The following R3HCC1L variants were observed in gnomAD, a reference collection of about 807,000 sequenced individuals.
R3HCC1L encodes the protein R3H domain and coiled-coil containing 1 like.
A neutral mutation model predicts 59.9 loss-of-function variants in R3HCC1L; 51 were observed. That is an observed-to-expected ratio of 0.85 (90% confidence interval 0.68 to 1.07). The LOEUF is 1.07. Ranked by LOEUF, R3HCC1L falls within the 50% of genes least tolerant of loss-of-function variation. R3HCC1L has a pLI of 0.00. For synonymous variants in R3HCC1L, 322 were observed against 315.2 expected, an observed-to-expected ratio of 1.02 and a Z score of -0.23; for missense variants, 965 against 933.0, an observed-to-expected ratio of 1.03 and a Z score of -0.45.
rs1318065382 is a variant in R3HCC1L, at chr10:98,231,946, T to C, written c.1961+259T>C. Among the ~76,000 whole-genome samples the C allele has an allele frequency of 2.6e-5, 4 of 152,314 alleles. No homozygotes were observed. The East Asian group carries it at 5.8e-4, about 22-fold the overall frequency. ...TCATCAGTGATGACTTCATGGTGCATTTAGTCCATTAATACATATTGTAAT... is the reference window on the plus strand; with the variant it reads ...TCATCAGTGATGACTTCATGGTGCACTTAGTCCATTAATACATATTGTAAT... On this transcript the variant is annotated intron_variant, in intron 6 of 9. Coordinates refer to ENST00000298999, the MANE Select transcript of R3HCC1L (RefSeq NM_001351015.2).
chr10:98,169,884 C>CT (rs1195433216), intron 4 of R3HCC1L, among the ~76,000 whole-genome samples: 1,513 of 128,328 alleles, frequency 0.012, 21 homozygotes, highest in African/African-American at 0.021. Context: ...CTAACACAAC[C>CT]TTTTTTTTTT....
chr10:98,139,938 C>T (rs1844981340), intron 1 of R3HCC1L, among the ~76,000 whole-genome samples: 3 of 151,202 alleles, frequency 2.0e-5, no homozygotes, highest in Non-Finnish European at 4.4e-5. Flanking sequence ...ATTCTAGTAT[C>T]TAGTATCGTG....
At chr10:98,230,949 A>G (rs1345390528) in intron 5 of R3HCC1L, 6 of 326,558 alleles carry the variant, frequency 1.8e-5, no homozygotes, top group Non-Finnish European at 3.7e-5. Flanking sequence ...CATGCTAAGG[A>G]CATTAAGTAT....
At chr10:98,202,859 A>G (rs967237587) in intron 4 of R3HCC1L, among the ~76,000 whole-genome samples, 1 of 133,378 alleles carries the variant, frequency 7.5e-6, no homozygotes, top group Middle Eastern at 3.5e-3. Context: ...CCGTCACAGG[A>G]AAAAAAAAAA....
intron 4 of R3HCC1L, among the ~76,000 whole-genome samples, chr10:98,198,363 A>G (rs1851678147): frequency 1.3e-5 from 2 of 152,242 alleles, no homozygotes; most frequent in South Asian, 4.1e-4. Context: ...ATGGACATAT[A>G]CACTGCTGAA....
chr10:98,198,360 T>C (rs969202662), intron 4 of R3HCC1L, among the ~76,000 whole-genome samples: 1 of 152,100 alleles, frequency 6.6e-6, no homozygotes, highest in Non-Finnish European at 1.5e-5. Flanking sequence ...CAAATGGACA[T>C]ATACACTGCT....
chr10:98,203,231 G>A (rs947073618), intron 4 of R3HCC1L, among the ~76,000 whole-genome samples: 3 of 151,976 alleles, frequency 2.0e-5, no homozygotes, highest in African/African-American at 7.2e-5. Flanking sequence ...AAAATATTCA[G>A]GAAAAAAACT....
intron 4 of R3HCC1L, among the ~76,000 whole-genome samples, chr10:98,188,040 G>A (rs1353654743): frequency 6.6e-6 from 1 of 151,848 alleles, no homozygotes; most frequent in Non-Finnish European, 1.5e-5. Flanking sequence ...CATTATACTT[G>A]GCCAAAGGAA....
At chr10:98,167,423 T>C (rs1328125090) in intron 4 of R3HCC1L, among the ~76,000 whole-genome samples, 1 of 152,218 alleles carries the variant, frequency 6.6e-6, no homozygotes, top group Non-Finnish European at 1.5e-5. Context: ...AGGGAGGTGA[T>C]AGATACGGAG....
intron 4 of R3HCC1L, among the ~76,000 whole-genome samples, chr10:98,183,747 C>T (rs931834024): frequency 1.3e-5 from 2 of 152,066 alleles, no homozygotes; most frequent in Admixed American, 1.3e-4. Flanking sequence ...GCTTTCATCT[C>T]TGTTACTATA....
chr10:98,228,427 GT>G (rs1189766018), intron 5 of R3HCC1L, among the ~76,000 whole-genome samples: 2 of 152,082 alleles, frequency 1.3e-5, no homozygotes, highest in East Asian at 3.9e-4. Context: ...TGTTGATGGG[GT>G]TTTTGTTTTT....
At chr10:98,216,982 A>T (rs7078393) in intron 5 of R3HCC1L, among the ~76,000 whole-genome samples, 1 of 152,004 alleles carries the variant, frequency 6.6e-6, no homozygotes, top group Non-Finnish European at 1.5e-5. Context: ...AGTTTGCAAG[A>T]TAATATGTTC....
At chr10:98,149,798 G>C (rs1025037815) in intron 1 of R3HCC1L, among the ~76,000 whole-genome samples, 3 of 152,206 alleles carry the variant, frequency 2.0e-5, no homozygotes, top group Admixed American at 6.5e-5. Flanking sequence ...TGTGGCACTT[G>C]GGTGGGATGT....
chr10:98,228,776 A>G (rs948601491), intron 5 of R3HCC1L, among the ~76,000 whole-genome samples: 17 of 152,144 alleles, frequency 1.1e-4, no homozygotes, highest in African/African-American at 3.1e-4. Context: ...TGTAAGGAAG[A>G]GATCCAGTTT....
intron 2 of R3HCC1L, among the ~76,000 whole-genome samples, chr10:98,158,659 A>T (rs1847111977): frequency 6.6e-6 from 1 of 152,240 alleles, no homozygotes; most frequent in South Asian, 2.1e-4. Context: ...TTGATTTAAT[A>T]TTAATTAAGT....
At chr10:98,230,049 T>G (rs1312922976) in intron 5 of R3HCC1L, among the ~76,000 whole-genome samples, 2 of 151,958 alleles carry the variant, frequency 1.3e-5, no homozygotes, top group Non-Finnish European at 2.9e-5. Flanking sequence ...TCTCTTTTTT[T>G]GTTGTGTCTC....
chr10:98,152,917 C>A (rs572983588), intron 1 of R3HCC1L, among the ~76,000 whole-genome samples: 1 of 150,868 alleles, frequency 6.6e-6, no homozygotes, highest in Admixed American at 6.6e-5. Flanking sequence ...AGCCCCTGCC[C>A]GGCCAGTCGC....
intron 6 of R3HCC1L, among the ~76,000 whole-genome samples, chr10:98,234,079 A>G (rs1035681790): frequency 2.0e-5 from 3 of 149,230 alleles, no homozygotes; most frequent in African/African-American, 7.4e-5. Flanking sequence ...CTCCTCTTAT[A>G]TTCTACCCCT....
chr10:98,169,324 A>G (rs1339112444), intron 4 of R3HCC1L, among the ~76,000 whole-genome samples: 1 of 152,204 alleles, frequency 6.6e-6, no homozygotes, highest in African/African-American at 2.4e-5. Context: ...AATCCTAACC[A>G]ACACTTAGAA....
Sources: allele counts gnomAD v4.1 joint callset (sites outside exome capture counted in the v4.1 genomes callset), GRCh38; gene constraint gnomAD v4.1.1; transcripts MANE v1.5; gene names NCBI Gene and HGNC (gene_info 2026-07-23, HGNC 2026-07-21).